The following R3HDM1 variants were observed in gnomAD, a reference collection of about 807,000 sequenced individuals.
R3HDM1 encodes the protein R3H domain-containing protein 1.
In R3HDM1, 46 loss-of-function variants were observed where a neutral mutation model predicts 141.1. That is an observed-to-expected ratio of 0.33 (90% confidence interval 0.26 to 0.42). The LOEUF (loss-of-function observed/expected upper bound fraction) is 0.42. R3HDM1 is among the 10% of genes least tolerant of loss of function. R3HDM1 has a pLI of 1.00. For missense variants in R3HDM1, 1,184 were observed against 1,368.3 expected, an observed-to-expected ratio of 0.87 and a Z score of 2.12; for synonymous variants, 435 against 472.9, an observed-to-expected ratio of 0.92 and a Z score of 1.04.
At chr2:135,668,844 G>T (rs1032274326) in intron 19 of R3HDM1, among the ~76,000 whole-genome samples, 1 of 152,164 alleles carries the variant, frequency 6.6e-6, no homozygotes, top group African/African-American at 2.4e-5. Context: ...GACTAATCTT[G>T]TATAGACTCA....
At chr2:135,691,003 T>A (rs2072287367) in intron 21 of R3HDM1, among the ~76,000 whole-genome samples, 1 of 152,254 alleles carries the variant, frequency 6.6e-6, no homozygotes, top group South Asian at 2.1e-4. Flanking sequence ...TTCCTCAGCC[T>A]CTCAATGAGT....
intron 1 of R3HDM1, among the ~76,000 whole-genome samples, chr2:135,562,076 A>G (rs1461349558): frequency 6.6e-6 from 1 of 152,246 alleles, no homozygotes. Flanking sequence ...GTGAATGGCT[A>G]AAGGAATTAG....
intron 7 of R3HDM1, 83 bp from the exon 8 acceptor site, chr2:135,631,635 G>T: frequency 8.8e-7 from 1 of 1,139,130 alleles, no homozygotes; most frequent in East Asian, 2.7e-5. Flanking sequence ...GTGAAATTTA[G>T]CTGTATAAAT....
intron 1 of R3HDM1, among the ~76,000 whole-genome samples, chr2:135,542,958 A>T (rs1158021586): frequency 1.3e-5 from 2 of 152,174 alleles, no homozygotes; most frequent in Non-Finnish European, 2.9e-5. Context: ...GCTGGTCTCA[A>T]GCTCCTGACC....
intron 1 of R3HDM1, chr2:135,590,769 ATC>A (rs141569763): frequency 1.0e-6 from 1 of 968,470 alleles, no homozygotes; most frequent in African/African-American, 1.8e-5. Context: ...TGTTGTACAC[ATC>A]CTTTTATAGA....
At position 135,636,298 on chromosome 2, in the gene R3HDM1, A is replaced by G. The variant is rs1170121139; in HGVS notation, c.903+115A>G. ...TTATTTTTAATCACATTTGTTGCAC[A>G]TAAGGTCATCTTTTAGAAATATTGA... On this transcript the variant is annotated intron_variant, in intron 11 of 26. Transcript: ENST00000683871. 5.6e-6 allele frequency: 8 copies of G among 1,425,364 alleles called. No individual in the cohort carries two copies. In the Admixed American group the frequency reaches 8.7e-5, roughly 16 times the overall value. The allele number at this position is 1,425,364 out of a possible 1,614,324, so 88.3% of individuals were successfully genotyped here. A position where few individuals can be genotyped will look rare whatever the true frequency, so the allele number is the denominator to read the frequency against.
At chr2:135,695,516 A>G (rs1384072094) in intron 21 of R3HDM1, among the ~76,000 whole-genome samples, 1 of 152,246 alleles carries the variant, frequency 6.6e-6, no homozygotes, top group African/African-American at 2.4e-5. Context: ...GATGAAAATT[A>G]TAAACCCACA....
intron 21 of R3HDM1, among the ~76,000 whole-genome samples, chr2:135,693,893 C>A (rs559555461): frequency 1.8e-4 from 28 of 152,044 alleles, no homozygotes; most frequent in Admixed American, 1.2e-3. Flanking sequence ...TGATCCCAGC[C>A]ACTTGGGAGG....
intron 1 of R3HDM1, among the ~76,000 whole-genome samples, chr2:135,574,386 A>G (rs1275482609): frequency 2.0e-5 from 3 of 152,252 alleles, no homozygotes; most frequent in Non-Finnish European, 1.5e-5. Context: ...TTAGACCTGA[A>G]TGGTTTCACA....
chr2:135,668,410 T>C (rs114553740), intron 19 of R3HDM1, among the ~76,000 whole-genome samples: 69 of 152,350 alleles, frequency 4.5e-4, no homozygotes, highest in African/African-American at 1.7e-3. Context: ...TTATAATTAT[T>C]AGAATGAGTG....
chr2:135,591,390 A>G (rs952515686), intron 1 of R3HDM1, among the ~76,000 whole-genome samples: 6 of 152,238 alleles, frequency 3.9e-5, no homozygotes, highest in Non-Finnish European at 5.9e-5. Flanking sequence ...AAGCATGAAG[A>G]AAATACCACA....
chr2:135,565,161 G>A (rs1702481364), intron 1 of R3HDM1, among the ~76,000 whole-genome samples: 1 of 151,748 alleles, frequency 6.6e-6, no homozygotes, highest in South Asian at 2.1e-4. Flanking sequence ...GGTCTTCCTG[G>A]TCTTCCTGGA....
chr2:135,686,276 A>G (rs574712657), intron 21 of R3HDM1, among the ~76,000 whole-genome samples: 1 of 152,372 alleles, frequency 6.6e-6, no homozygotes, highest in East Asian at 1.9e-4. Context: ...TCCTAAAAAA[A>G]ATAAAAATAG....
chr2:135,715,329 G>A (rs993753159), intron 23 of R3HDM1, among the ~76,000 whole-genome samples: 1 of 151,912 alleles, frequency 6.6e-6, no homozygotes, highest in African/African-American at 2.4e-5. Context: ...CTGTGATTGC[G>A]CCACTGCACT....
chr2:135,700,159 A>C (rs1358123352), intron 21 of R3HDM1, among the ~76,000 whole-genome samples: 1 of 151,296 alleles, frequency 6.6e-6, no homozygotes, highest in Non-Finnish European at 1.5e-5. Context: ...ATAAGAATCC[A>C]AATAAAAAGA....
Position 135,631,998 on chromosome 2 carries a change from G to A in R3HDM1, c.695G>A (p.Arg232Lys). ...ATAGTAAACAAAACTAGCAATACAA[G>A]AATGTAAGTGTCAAGAGATGTAACT... ...SVIVNKTSNTRIPDQKFNEHI... is the reference protein window; with the variant it reads ...SVIVNKTSNTKIPDQKFNEHI... The change falls in exon 9 of 27, where the codon AGA becomes AAA. Residue 232 changes from arginine (R) to lysine (K), a missense_variant. Arg to Lys is a conservative substitution (Grantham distance 26). Transcript: ENST00000683871. The A allele has an allele frequency of 6.3e-7, 1 of 1,599,038 alleles. No homozygotes were observed. Among genetic ancestry groups the A allele is most frequent in the Non-Finnish European group, 8.5e-7 (1 of 1,171,466 alleles).
intron 21 of R3HDM1, among the ~76,000 whole-genome samples, chr2:135,702,229 A>G (rs1332508593): frequency 2.1e-5 from 1 of 47,850 alleles, no homozygotes; most frequent in East Asian, 2.6e-4. Context: ...AAAAAAAAAA[A>G]AAAAAAAAAA....
At chr2:135,715,529 C>T in intron 23 of R3HDM1, 21 bp from the exon 24 acceptor site, 1 of 1,603,614 alleles carries the variant, frequency 6.2e-7, no homozygotes, top group South Asian at 1.1e-5. Context: ...GACCCATTTT[C>T]TTGACGTATT....
At chr2:135,555,930 C>T (rs886361163) in intron 1 of R3HDM1, among the ~76,000 whole-genome samples, 3 of 152,060 alleles carry the variant, frequency 2.0e-5, no homozygotes, top group African/African-American at 7.2e-5. Flanking sequence ...GCAGGAAGAT[C>T]ACTTTAGCCC....
Sources: allele counts gnomAD v4.1 joint callset (sites outside exome capture counted in the v4.1 genomes callset), GRCh38; gene constraint gnomAD v4.1.1; transcripts MANE v1.5; gene names NCBI Gene and HGNC (gene_info 2026-07-23, HGNC 2026-07-21).